ARIH1: variants seen among roughly 807,000 people sequenced by gnomAD.
The protein encoded by ARIH1 is E3 ubiquitin-protein ligase ARIH1.
ARIH1 carries 8 observed loss-of-function variants against 85.0 expected under a neutral mutation model. The ratio of observed to expected loss-of-function variants is 0.09; its 90% confidence interval spans 0.06 to 0.17. ARIH1 has a LOEUF of 0.17. Among genes scored for constraint, ARIH1 ranks in the 10% least tolerant of loss-of-function variants. The pLI, the probability that ARIH1 is intolerant of heterozygous loss-of-function variation, is 1.00. For missense variants in ARIH1, 311 were observed against 718.1 expected, an observed-to-expected ratio of 0.43 and a Z score of 6.48; for synonymous variants, 238 against 253.6, an observed-to-expected ratio of 0.94 and a Z score of 0.59.
chr15:72,527,566 CTT>C, intron 2 of ARIH1, among the ~76,000 whole-genome samples: 1 of 151,896 alleles, frequency 6.6e-6, no homozygotes, highest in Non-Finnish European at 1.5e-5. Flanking sequence ...TAGTACAAAA[CTT>C]TTGTGACAGT....
At position 72,586,530 on chromosome 15, in the gene ARIH1, TAATAA is replaced by T. The variant is rs1479303959; in HGVS notation, c.*3245_*3249del. ...CAGAGGGAAAGAACATTCCTAATTC[TAATAA>T]AATAAACTTTTATTTTGTTATTCCA... On this transcript the variant is annotated 3_prime_UTR_variant, in exon 14 of 14. Coordinates refer to ENST00000379887, the MANE Select transcript of ARIH1 (RefSeq NM_005744.5). 1 of 152,254 alleles carries T rather than the reference TAATAA, an allele frequency of 6.6e-6. No homozygotes were observed. The highest frequency in any genetic ancestry group is 2.4e-5 in the African/African-American group (1 of 41,448). 9.4% of individuals were successfully genotyped at this position (152,254 alleles called of 1,614,324 possible).
At chr15:72,544,776 G>A in intron 2 of ARIH1, 44 bp from the exon 3 acceptor site, 1 of 1,566,650 alleles carries the variant, frequency 6.4e-7, no homozygotes, top group Non-Finnish European at 8.7e-7. Context: ...CTCTAACAGT[G>A]TGCAAGTTGC....
At chr15:72,532,783 C>G (rs2064063485) in intron 2 of ARIH1, among the ~76,000 whole-genome samples, 1 of 152,212 alleles carries the variant, frequency 6.6e-6, no homozygotes. Context: ...CCTGGGAATG[C>G]TAGGTTGGTT....
chr15:72,582,263 A>G lies in ARIH1; in HGVS notation c.1589+76A>G. On this transcript the variant is annotated intron_variant, in intron 13 of 13. Transcript: ENST00000379887. This position sits in a 1 kb window ranked among gnomAD's most constrained non-coding sequence, Gnocchi z 4.6. ...TACTGGTAAAGTTCAGTGATAGTGA[A>G]ACTGGGTTTAGCATATCCAGCAACT... 9.8e-7 allele frequency: 1 copy of G among 1,015,690 alleles called. No homozygotes were observed. The highest frequency in any genetic ancestry group is 1.5e-6 in the Non-Finnish European group (1 of 671,436). The allele number at this position is 1,015,690 out of a possible 1,614,324, so 62.9% of individuals were successfully genotyped here.
chr15:72,505,421 A>G (rs2063920491), intron 1 of ARIH1, among the ~76,000 whole-genome samples: 1 of 152,098 alleles, frequency 6.6e-6, no homozygotes, highest in Non-Finnish European at 1.5e-5. Context: ...TCTCATGAAT[A>G]ACCTTCCATA....
rs2064357548 is a variant in ARIH1, at chr15:72,594,841, C to CTTTTTTTTTTTTTTTT, written c.*11552_*11553insTTTTTTTTTTTTTTTT. 1.4e-5 allele frequency: 1 copy of CTTTTTTTTTTTTTTTT among 70,850 alleles called. No individual in the cohort carries two copies. Among genetic ancestry groups the CTTTTTTTTTTTTTTTT allele is most frequent in the African/African-American group, 8.4e-5 (1 of 11,950 alleles). The allele number at this position is 70,850 out of a possible 1,614,324, so 4.4% of individuals were successfully genotyped here. The stretch of plus-strand genomic sequence containing the variant: ...TTTTTTTTTTTTTTTTTTTTTTTGT[C>CTTTTTTTTTTTTTTTT]TTTCTCCACTGGCTACAATATCTAG... On this transcript the variant is annotated 3_prime_UTR_variant, in exon 14 of 14. Transcript: ENST00000379887.
At chr15:72,490,599 AGT>A (rs1341654663) in intron 1 of ARIH1, among the ~76,000 whole-genome samples, 3 of 152,052 alleles carry the variant, frequency 2.0e-5, no homozygotes, top group Non-Finnish European at 2.9e-5. Flanking sequence ...ACCAGTCCCT[AGT>A]GCCAAAAAGT....
At chr15:72,481,435 C>A (rs1378607812) in intron 1 of ARIH1, among the ~76,000 whole-genome samples, 1 of 152,188 alleles carries the variant, frequency 6.6e-6, no homozygotes, top group African/African-American at 2.4e-5. Flanking sequence ...GGGGACCAGT[C>A]ACGGTGGCTC....
chr15:72,506,359 A>AAAAAAAAAAAG (rs1416617611), intron 1 of ARIH1, among the ~76,000 whole-genome samples: 1 of 148,596 alleles, frequency 6.7e-6, no homozygotes, highest in Non-Finnish European at 1.5e-5. Flanking sequence ...CACAAAAAAA[A>AAAAAAAAAAAG]AAAAAAGAAA....
intron 2 of ARIH1, among the ~76,000 whole-genome samples, chr15:72,543,508 A>G (rs2064116706): frequency 1.3e-5 from 2 of 152,164 alleles, no homozygotes; most frequent in African/African-American, 2.4e-5. Context: ...TCGATTGATA[A>G]TATGATTATT....
In ARIH1 at chr15:72,588,259, G is replaced by A. The variant is rs1275971022; in HGVS notation, c.*4967G>A. On this transcript the variant is annotated 3_prime_UTR_variant, in exon 14 of 14. Coordinates refer to ENST00000379887, the MANE Select transcript of ARIH1 (RefSeq NM_005744.5). Reference sequence around the variant, plus strand: ...ATTAAATGTGGGCCAAAGAAAACCCGGCCATGGGCAGTTTTTTTTTCCCAG... The same window carrying A: ...ATTAAATGTGGGCCAAAGAAAACCCAGCCATGGGCAGTTTTTTTTTCCCAG... 6.6e-6 allele frequency: 1 copy of A among 152,128 alleles called. No homozygotes were observed. Among genetic ancestry groups the A allele is most frequent in the Non-Finnish European group, 1.5e-5 (1 of 68,030 alleles). The allele number at this position is 152,128 out of a possible 1,614,324, so 9.4% of individuals were successfully genotyped here. A position where few individuals can be genotyped will look rare whatever the true frequency, so the allele number is the denominator to read the frequency against.
In ARIH1 at chr15:72,518,019, A is replaced by G. The variant is rs73444753; in HGVS notation, c.376-48A>G. The G allele has an allele frequency of 1.5e-4, 212 of 1,418,950 alleles. No individual in the cohort carries two copies. In the African/African-American group the frequency reaches 2.6e-3, roughly 17 times the overall value. The allele number at this position is 1,418,950 out of a possible 1,614,324, so 87.9% of individuals were successfully genotyped here. On this transcript the variant is annotated intron_variant, in intron 1 of 13. Coordinates refer to ENST00000379887, the MANE Select transcript of ARIH1 (RefSeq NM_005744.5). Reference sequence around the variant, plus strand: ...CAACCTAGGAGTTCACTAAATGTCCATGAAGTGCTATTACCTTAAAATGAC... The same window carrying G: ...CAACCTAGGAGTTCACTAAATGTCCGTGAAGTGCTATTACCTTAAAATGAC...
intron 11 of ARIH1, among the ~76,000 whole-genome samples, chr15:72,574,683 A>G (rs2064262092): frequency 6.6e-6 from 1 of 152,214 alleles, no homozygotes; most frequent in African/African-American, 2.4e-5. Context: ...TGCGTACTAC[A>G]TAATCTCTGT....
chr15:72,499,164 C>T (rs1398272999), intron 1 of ARIH1, among the ~76,000 whole-genome samples: 7 of 151,684 alleles, frequency 4.6e-5, no homozygotes, highest in East Asian at 2.0e-4. Context: ...TTAGTAGAGA[C>T]GGGGTTTCAC....
intron 10 of ARIH1, among the ~76,000 whole-genome samples, 188 bp from the exon 11 acceptor site, chr15:72,571,920 C>T (rs2064249433): frequency 6.6e-6 from 1 of 152,116 alleles, no homozygotes; most frequent in African/African-American, 2.4e-5. Context: ...TAGAACAGTT[C>T]CTTTCAGCCT....
chr15:72,549,956 G>T (rs1471713088), intron 3 of ARIH1, among the ~76,000 whole-genome samples: 1 of 152,168 alleles, frequency 6.6e-6, no homozygotes, highest in Non-Finnish European at 1.5e-5. Flanking sequence ...CTAGCTCAAG[G>T]TTATGAGGAA....
At chr15:72,498,501 T>A (rs2063889254) in intron 1 of ARIH1, among the ~76,000 whole-genome samples, 1 of 152,236 alleles carries the variant, frequency 6.6e-6, no homozygotes, top group Non-Finnish European at 1.5e-5. Flanking sequence ...GTTATGTTTA[T>A]ATTTACATGT....
chr15:72,574,906 C>G, intron 11 of ARIH1, among the ~76,000 whole-genome samples: 1 of 127,274 alleles, frequency 7.9e-6, no homozygotes, highest in Admixed American at 8.7e-5. Flanking sequence ...CCCCCCGCCG[C>G]CCCCGCCCAT....
At chr15:72,573,326 C>T (rs890141867) in intron 11 of ARIH1, among the ~76,000 whole-genome samples, 4 of 152,042 alleles carry the variant, frequency 2.6e-5, no homozygotes, top group African/African-American at 7.2e-5. Context: ...TTTGGGAGGC[C>T]GAGGCAGGCG....
Sources: gnomAD v4.1 joint callset for allele counts (sites outside exome capture counted in the v4.1 genomes callset) on GRCh38, gnomAD v4.1.1 for gene constraint, Gnocchi (gnomAD v3.1) non-coding constraint, MANE v1.5 for transcripts, NCBI Gene and HGNC (gene_info 2026-07-23, HGNC 2026-07-21) for gene names.